Variants in GRIN2A observed in about 807,000 individuals in gnomAD.
GRIN2A encodes the protein glutamate receptor ionotropic, NMDA 2A.
In GRIN2A, 22 loss-of-function variants were observed where a neutral mutation model predicts 113.4. That is an observed-to-expected ratio of 0.19 (90% confidence interval 0.14 to 0.28). GRIN2A has a LOEUF of 0.28. Among genes scored for constraint, GRIN2A ranks in the 10% least tolerant of loss-of-function variants. The pLI is 1.00. For synonymous variants in GRIN2A, 827 were observed against 738.4 expected (o/e 1.12, Z -1.94); for missense variants, 1,502 against 1,887.0 (o/e 0.80, Z 3.78).
intron 3 of GRIN2A, among the ~76,000 whole-genome samples, chr16:9,915,555 T>A (rs936244517): frequency 1.3e-5 from 2 of 152,250 alleles, no homozygotes; most frequent in African/African-American, 4.8e-5. Context: ...ATCCTGCTCC[T>A]AAAACTTGTA....
intron 11 of GRIN2A, among the ~76,000 whole-genome samples, chr16:9,785,507 TACAGCAC>T (rs1450645238): frequency 6.6e-6 from 1 of 151,424 alleles, no homozygotes; most frequent in African/African-American, 2.4e-5. Flanking sequence ...AGTTAATGGG[TACAGCAC>T]ACCAACATGG....
At chr16:10,132,582 G>C (rs895672901) in intron 2 of GRIN2A, among the ~76,000 whole-genome samples, 2 of 152,164 alleles carry the variant, frequency 1.3e-5, no homozygotes, top group African/African-American at 2.4e-5. Flanking sequence ...CTAGTCCATA[G>C]GCATTGGAAT....
intron 3 of GRIN2A, among the ~76,000 whole-genome samples, chr16:9,932,857 G>A (rs977209487): frequency 2.6e-5 from 4 of 152,188 alleles, no homozygotes; most frequent in Non-Finnish European, 4.4e-5. Context: ...AAAAAGTACA[G>A]ATTAGGTTCG....
chr16:9,810,060 T>G (rs1476535484), intron 10 of GRIN2A, among the ~76,000 whole-genome samples: 1 of 152,140 alleles, frequency 6.6e-6, no homozygotes, highest in Non-Finnish European at 1.5e-5. Context: ...TGAGCCAGAC[T>G]CTGTCTCAAA....
chr16:9,774,221 A>C (rs763069435), intron 11 of GRIN2A, among the ~76,000 whole-genome samples: 1 of 152,232 alleles, frequency 6.6e-6, no homozygotes, highest in Non-Finnish European at 1.5e-5. Flanking sequence ...ATTTGCAAAA[A>C]GGAATGAAAG....
chr16:9,967,313 C>G (rs1265496044), intron 2 of GRIN2A, among the ~76,000 whole-genome samples: 1 of 152,120 alleles, frequency 6.6e-6, no homozygotes, highest in East Asian at 1.9e-4. Flanking sequence ...AAGCTGGAAG[C>G]CATTATTCGA....
chr16:9,762,625 G>A lies in GRIN2A; in HGVS notation c.*524C>T, dbSNP rs545920771. 18 of 239,348 alleles carry A rather than the reference G, an allele frequency of 7.5e-5. No individual in the cohort carries two copies. The highest frequency in any genetic ancestry group is 1.5e-4 in the Admixed American group (3 of 19,356). 14.8% of individuals were successfully genotyped at this position (239,348 alleles called of 1,614,324 possible). A position where few individuals can be genotyped will look rare whatever the true frequency, so the allele number is the denominator to read the frequency against. ...ATAACAAGAAAGCTGAAACTGTTAC[G>A]AGCCAAACTTCCTAATCTCTTGCAC... On this transcript the variant is annotated 3_prime_UTR_variant, in exon 13 of 13. Coordinates refer to ENST00000330684, the MANE Select transcript of GRIN2A (RefSeq NM_001134407.3).
At chr16:9,948,826 C>T (rs115011261) in intron 2 of GRIN2A, among the ~76,000 whole-genome samples, 352 of 152,338 alleles carry the variant, frequency 2.3e-3, no homozygotes, top group African/African-American at 7.5e-3. Flanking sequence ...CCATGGCCAT[C>T]TGCCAAGCAA....
intron 11 of GRIN2A, among the ~76,000 whole-genome samples, chr16:9,788,012 C>T (rs1902337371): frequency 6.6e-6 from 1 of 152,188 alleles, no homozygotes; most frequent in African/African-American, 2.4e-5. Flanking sequence ...TGTACCAACA[C>T]ACCGGAGCCG....
chr16:9,938,432 A>G lies in GRIN2A; in HGVS notation c.534T>C (p.Pro178=). 1 of 1,613,998 alleles carries G rather than the reference A, an allele frequency of 6.2e-7. No homozygotes were observed. The highest frequency in any genetic ancestry group is 8.5e-7 in the Non-Finnish European group (1 of 1,179,896). The change falls in exon 3 of 13, where the codon CCT becomes CCC. Residue 178 remains proline (P), a synonymous_variant. Coordinates refer to ENST00000330684, the MANE Select transcript of GRIN2A (RefSeq NM_001134407.3). ...HVFSLVTTIF[P]GYREFISFVK... is the part of the protein sequence containing the mutation. Reference sequence around the variant, plus strand: ...CGAAGCTGATGAATTCCCTGTAGCCAGGGAAGATAGTGGTCACCAGGGAGA... The same window carrying G: ...CGAAGCTGATGAATTCCCTGTAGCCGGGGAAGATAGTGGTCACCAGGGAGA...
chr16:10,178,226 T>C (rs1488153979), intron 2 of GRIN2A, among the ~76,000 whole-genome samples: 2 of 152,146 alleles, frequency 1.3e-5, no homozygotes, highest in Non-Finnish European at 2.9e-5. Flanking sequence ...GCCCCTCCCA[T>C]ACAAAAGCCC....
intron 3 of GRIN2A, 88 bp from the exon 4 acceptor site, chr16:9,891,188 T>A (rs751571621): frequency 4.0e-5 from 31 of 782,212 alleles, no homozygotes; most frequent in Non-Finnish European, 6.2e-5. Context: ...AATGGAATAC[T>A]GAAAAATTAT....
chr16:9,837,285 A>T (rs758641013), intron 7 of GRIN2A, among the ~76,000 whole-genome samples: 8 of 152,214 alleles, frequency 5.3e-5, no homozygotes, highest in Non-Finnish European at 1.2e-4. Context: ...AGCTTTGAAA[A>T]TAGTTTCCTC....
chr16:10,134,361 A>C lies in GRIN2A; in HGVS notation c.414+45637T>G, dbSNP rs2049144311. ...AAGGGTAATATGTGTTTCCAGCCTA[A>C]GAGTTTTAACCGTCATTTCCTGCCT... On this transcript the variant is annotated intron_variant, in intron 2 of 12. Transcript: ENST00000330684. 2.0e-5 allele frequency among the ~76,000 whole-genome samples: 3 copies of C among 152,034 alleles called. No homozygotes were observed. The South Asian group carries it at 6.3e-4, about 32-fold the overall frequency.
intron 2 of GRIN2A, among the ~76,000 whole-genome samples, chr16:10,145,472 C>T (rs985125533): frequency 6.6e-6 from 1 of 151,466 alleles, no homozygotes; most frequent in Non-Finnish European, 1.5e-5. Context: ...ATTAAACACA[C>T]GCAGTTTTTA....
In GRIN2A at chr16:9,847,268, T is replaced by A. The variant is rs946146886; in HGVS notation, c.1328+2488A>T. Among the ~76,000 whole-genome samples the A allele has an allele frequency of 2.6e-5, 4 of 152,106 alleles. No homozygotes were observed. In the East Asian group the frequency reaches 7.7e-4, roughly 29 times the overall value. On this transcript the variant is annotated intron_variant, in intron 5 of 12. Coordinates refer to ENST00000330684, the MANE Select transcript of GRIN2A (RefSeq NM_001134407.3). ...ACTAAATAATTATTTTTAAAAAGAC[T>A]AAAGGAAGCCGGACACAGTGGCTCA...
At chr16:9,809,077 A>C (rs911712472) in intron 10 of GRIN2A, among the ~76,000 whole-genome samples, 1 of 151,914 alleles carries the variant, frequency 6.6e-6, no homozygotes, top group Non-Finnish European at 1.5e-5. Flanking sequence ...ATAGAGTTTG[A>C]TAGCATTCCA....
chr16:10,099,292 A>G (rs2048350670), intron 2 of GRIN2A, among the ~76,000 whole-genome samples: 1 of 152,274 alleles, frequency 6.6e-6, no homozygotes, highest in Admixed American at 6.5e-5. Context: ...ATTCCAGAAG[A>G]AACTCCTTTT....
chr16:10,132,340 C>CAAAAAAA (rs71402435), intron 2 of GRIN2A, among the ~76,000 whole-genome samples: 20 of 61,620 alleles, frequency 3.2e-4, no homozygotes, highest in Admixed American at 1.4e-3. Flanking sequence ...GACACCGTCT[C>CAAAAAAA]AAAAAAAAAA....
Sources: gnomAD v4.1 joint callset for allele counts (sites outside exome capture counted in the v4.1 genomes callset) on GRCh38, gnomAD v4.1.1 for gene constraint, MANE v1.5 for transcripts, NCBI Gene and HGNC (gene_info 2026-07-23, HGNC 2026-07-21) for gene names.